Variants in VCL observed in about 807,000 individuals in gnomAD.
VCL encodes epididymis luminal protein 114.
A neutral mutation model predicts 125.7 loss-of-function variants in VCL; 47 were observed. That is an observed-to-expected ratio of 0.37 (90% confidence interval 0.30 to 0.48). The LOEUF (loss-of-function observed/expected upper bound fraction) is 0.48. Ranked by LOEUF, VCL falls within the 20% of genes least tolerant of loss-of-function variation. The pLI is 0.99. For synonymous variants in VCL, 458 were observed against 514.6 expected, an observed-to-expected ratio of 0.89 and a Z score of 1.49; for missense variants, 1,069 against 1,455.5, an observed-to-expected ratio of 0.73 and a Z score of 4.32.
At chr10:74,035,118 C>T (rs902014670) in intron 1 of VCL, among the ~76,000 whole-genome samples, 6 of 152,182 alleles carry the variant, frequency 3.9e-5, no homozygotes, top group African/African-American at 1.4e-4. Flanking sequence ...TTACATTGTA[C>T]AAATAAGTAA....
At chr10:74,120,228 A>C (rs1591725446), downstream of VCL, 1 of 152,308 alleles carries the variant, frequency 6.6e-6, no homozygotes, top group South Asian at 2.1e-4. Flanking sequence ...TGTTTTGATG[A>C]ATAGTCAATG....
chr10:74,104,796 G>C, intron 15 of VCL: 2 of 514,878 alleles, frequency 3.9e-6, no homozygotes, highest in Non-Finnish European at 7.0e-6. Flanking sequence ...GGTTGTCTGG[G>C]GTGGATACAA....
rs562715320 is a variant in VCL at position 74,112,462 on chromosome 10, G to A, written c.2949+350G>A. Among the ~76,000 whole-genome samples the A allele has an allele frequency of 2.0e-5, 3 of 152,300 alleles. No homozygotes were observed. The South Asian group carries it at 6.2e-4, about 32-fold the overall frequency. ...GTCAGGAACCATGGTAGACCATTAC[G>A]AGGTCACCTGGCCTGACCATTGAGC... On this transcript the variant is annotated intron_variant, in intron 19 of 21. Transcript: ENST00000211998.
chr10:74,033,678 G>A (rs1000044466), intron 1 of VCL, among the ~76,000 whole-genome samples: 8 of 152,250 alleles, frequency 5.3e-5, no homozygotes, highest in East Asian at 3.9e-4. Flanking sequence ...CTTTTAGAAC[G>A]TCTGAGTTGC....
chr10:74,116,090 T>C (rs1840306931), intron 21 of VCL, among the ~76,000 whole-genome samples: 1 of 152,172 alleles, frequency 6.6e-6, no homozygotes, highest in Admixed American at 6.5e-5. Context: ...TAAGGGAGTT[T>C]AAAAAATTAA....
chr10:74,111,544 G>T (rs1200467484), intron 18 of VCL, among the ~76,000 whole-genome samples: 3 of 152,128 alleles, frequency 2.0e-5, no homozygotes, highest in East Asian at 1.9e-4. Context: ...ACTATCGTTT[G>T]GTTGTTTGGC....
intron 2 of VCL, among the ~76,000 whole-genome samples, chr10:74,052,113 T>G (rs564748821): frequency 6.6e-6 from 1 of 152,292 alleles, no homozygotes; most frequent in South Asian, 2.1e-4. Flanking sequence ...GGCAGTAACG[T>G]CTGGGTGTTG....
intron 1 of VCL, among the ~76,000 whole-genome samples, chr10:74,002,119 C>A (rs1840236947): frequency 6.6e-6 from 1 of 152,142 alleles, no homozygotes. Context: ...CAGTATGATA[C>A]TGAATTGGAA....
intron 12 of VCL, among the ~76,000 whole-genome samples, 170 bp downstream of exon 12, chr10:74,096,025 T>C (rs917045400): frequency 1.3e-5 from 2 of 152,220 alleles, no homozygotes; most frequent in African/African-American, 4.8e-5. Flanking sequence ...AAAAGCTTGC[T>C]GGTATATAGT....
At chr10:73,998,799 G>T (rs936038752) in intron 1 of VCL, among the ~76,000 whole-genome samples, 1 of 152,246 alleles carries the variant, frequency 6.6e-6, no homozygotes, top group Non-Finnish European at 1.5e-5. Flanking sequence ...CGATCTGGCT[G>T]TGCGGGGGAG....
chr10:74,090,239 TTC>T (rs1249476611), intron 10 of VCL, 41 bp downstream of exon 10: 7 of 1,606,454 alleles, frequency 4.4e-6, no homozygotes, highest in Non-Finnish European at 5.1e-6. Flanking sequence ...ATATCTTTTC[TTC>T]TCTTTCTCTC....
At chr10:74,073,164 C>T (rs949395594) in intron 5 of VCL, among the ~76,000 whole-genome samples, 3 of 152,138 alleles carry the variant, frequency 2.0e-5, no homozygotes, top group Non-Finnish European at 4.4e-5. Context: ...TGGTCTTGAT[C>T]TCTTGACCTC....
intron 2 of VCL, among the ~76,000 whole-genome samples, chr10:74,045,268 T>TAGATAGAC (rs2136250458): frequency 7.2e-6 from 1 of 138,680 alleles, no homozygotes; most frequent in East Asian, 2.0e-4. Context: ...GAGAGACGGA[T>TAGATAGAC]AGATAGATAG....
At chr10:74,032,707 A>AT (rs1232541250) in intron 1 of VCL, among the ~76,000 whole-genome samples, 11 of 80,070 alleles carry the variant, frequency 1.4e-4, no homozygotes, top group African/African-American at 5.7e-4. Flanking sequence ...CTCAAAAAAA[A>AT]AAATATATAT....
At chr10:74,048,417 G>A (rs1455635459) in intron 2 of VCL, among the ~76,000 whole-genome samples, 1 of 149,582 alleles carries the variant, frequency 6.7e-6, no homozygotes, top group Non-Finnish European at 1.5e-5. Context: ...GCAGTGAGCC[G>A]AGATCATGCC....
intron 2 of VCL, among the ~76,000 whole-genome samples, chr10:74,048,790 G>A (rs1841241592): frequency 6.6e-6 from 1 of 152,086 alleles, no homozygotes. Flanking sequence ...CAGTAATAAA[G>A]TGCCAGAGGA....
At chr10:74,121,044 G>GAT (rs1162643110), downstream of VCL, 7 of 152,140 alleles carry the variant, frequency 4.6e-5, no homozygotes, top group African/African-American at 1.4e-4. Context: ...AAAGGGTGAT[G>GAT]ATATTGATAT....
intron 1 of VCL, among the ~76,000 whole-genome samples, chr10:74,034,753 G>A (rs548317407): frequency 5.3e-5 from 8 of 152,316 alleles, no homozygotes; most frequent in African/African-American, 1.9e-4. Flanking sequence ...ACTCTGGCTG[G>A]CCATCTGTGA....
At chr10:74,044,308 T>A (rs1223752669) in intron 2 of VCL, among the ~76,000 whole-genome samples, 1 of 152,116 alleles carries the variant, frequency 6.6e-6, no homozygotes, top group Non-Finnish European at 1.5e-5. Context: ...TTGTTCTATA[T>A]GGCAGTCAAG....
Sources: allele counts gnomAD v4.1 joint callset (sites outside exome capture counted in the v4.1 genomes callset), GRCh38; gene constraint gnomAD v4.1.1; transcripts MANE v1.5; gene names NCBI Gene and HGNC (gene_info 2026-07-23, HGNC 2026-07-21).